The following DYNC1I1 variants were observed in gnomAD, a reference collection of about 807,000 sequenced individuals.
The protein encoded by DYNC1I1 is dynein cytoplasmic 1 intermediate chain 1, also known as cytoplasmic dynein 1 intermediate chain 1.
In DYNC1I1, 43 loss-of-function variants were observed where a neutral mutation model predicts 86.6. The observed-to-expected ratio is 0.50, with a 90% CI of 0.39 to 0.64. The LOEUF (loss-of-function observed/expected upper bound fraction) is 0.64. Among genes scored for constraint, DYNC1I1 ranks in the 30% least tolerant of loss-of-function variants. The probability of loss-of-function intolerance (pLI) is 0.00; values close to 1 mark genes in which losing one functional copy is unlikely to be tolerated. For missense variants in DYNC1I1, 604 were observed against 788.8 expected, an observed-to-expected ratio of 0.77 and a Z score of 2.81; for synonymous variants, 262 against 283.7, an observed-to-expected ratio of 0.92 and a Z score of 0.77.
At chr7:96,094,917 G>A (rs930559064) in intron 16 of DYNC1I1, among the ~76,000 whole-genome samples, 3 of 152,054 alleles carry the variant, frequency 2.0e-5, no homozygotes, top group Admixed American at 1.3e-4. Context: ...GAAAAGACTT[G>A]GCAAAACAAA....
intron 14 of DYNC1I1, among the ~76,000 whole-genome samples, chr7:96,048,472 T>C (rs755210420): frequency 7.2e-5 from 11 of 152,166 alleles, no homozygotes; most frequent in Non-Finnish European, 1.5e-4. Context: ...TTATTAGAGA[T>C]GCAAACCGTC....
chr7:95,838,823 T>C (rs916384745), intron 5 of DYNC1I1, among the ~76,000 whole-genome samples: 3 of 152,304 alleles, frequency 2.0e-5, no homozygotes, highest in Non-Finnish European at 4.4e-5. Context: ...CTTTTTCAGA[T>C]AGTTCATTGT....
intron 6 of DYNC1I1, among the ~76,000 whole-genome samples, chr7:95,959,411 G>A (rs1462012153): frequency 6.6e-6 from 1 of 152,218 alleles, no homozygotes; most frequent in African/African-American, 2.4e-5. Flanking sequence ...GGCCATGTCA[G>A]TAGGTTAAGG....
intron 6 of DYNC1I1, among the ~76,000 whole-genome samples, chr7:95,971,499 C>CA (rs1793170146): frequency 6.6e-6 from 1 of 152,040 alleles, no homozygotes; most frequent in Non-Finnish European, 1.5e-5. Context: ...AAAAAACAAA[C>CA]AAACAAAACA....
chr7:95,899,929 T>C (rs1241030685), intron 6 of DYNC1I1, among the ~76,000 whole-genome samples: 2 of 152,246 alleles, frequency 1.3e-5, no homozygotes, highest in African/African-American at 4.8e-5. Flanking sequence ...CCTCTGATTT[T>C]AGAGCAGCTT....
chr7:95,902,781 A>G (rs1791074158), intron 6 of DYNC1I1, among the ~76,000 whole-genome samples: 1 of 152,120 alleles, frequency 6.6e-6, no homozygotes, highest in South Asian at 2.1e-4. Flanking sequence ...CCCCCAGCGT[A>G]GGGAGTTCAA....
intron 6 of DYNC1I1, among the ~76,000 whole-genome samples, chr7:95,934,872 T>C (rs942424621): frequency 8.6e-5 from 13 of 151,952 alleles, no homozygotes; most frequent in African/African-American, 2.7e-4. Context: ...GGAAATGACT[T>C]GTAGCATCTC....
intron 9 of DYNC1I1, among the ~76,000 whole-genome samples, chr7:95,991,327 A>G (rs1178634305): frequency 6.6e-6 from 1 of 152,182 alleles, no homozygotes; most frequent in Non-Finnish European, 1.5e-5. Flanking sequence ...CCTGATGTCT[A>G]TTGGACATAT....
At chr7:95,939,197 A>C (rs148639053) in intron 6 of DYNC1I1, among the ~76,000 whole-genome samples, 2,317 of 152,222 alleles carry the variant, frequency 0.015, 68 homozygotes, top group African/African-American at 0.052. Flanking sequence ...TACATTTGCT[A>C]AGGAGAACTT....
At chr7:95,782,429 C>T (rs943715896) in intron 1 of DYNC1I1, among the ~76,000 whole-genome samples, 3 of 152,120 alleles carry the variant, frequency 2.0e-5, no homozygotes, top group Non-Finnish European at 4.4e-5. Context: ...GGGAGAGTTC[C>T]CTGAGCCATT....
chr7:96,032,775 C>T lies in DYNC1I1; in HGVS notation c.1225C>T (p.Pro409Ser). The change falls in exon 12 of 17, where the codon CCA (proline) becomes TCA (serine). Residue 409 changes from proline to serine, a missense_variant. By Grantham distance (74) the Pro-to-Ser change is moderately conservative. Transcript: ENST00000447467. ...CTGGAGCCTGGACATGCTCTCAACT[C>T]CACAGGTGGGTTTGTTTTTCCCTAC... ...CSWSLDMLST[P>S]QESMELVYNK... 1 of 1,612,924 alleles carries T rather than the reference C, an allele frequency of 6.2e-7. No individual in the cohort carries two copies. Among genetic ancestry groups the T allele is most frequent in the Non-Finnish European group, 8.5e-7 (1 of 1,179,162 alleles).
intron 14 of DYNC1I1, among the ~76,000 whole-genome samples, chr7:96,048,836 A>G (rs1473170850): frequency 6.6e-6 from 1 of 152,176 alleles, no homozygotes. Flanking sequence ...TGAAACCCCA[A>G]ATTAATTCTA....
chr7:95,987,537 C>T (rs1484441865), intron 9 of DYNC1I1, among the ~76,000 whole-genome samples: 2 of 152,160 alleles, frequency 1.3e-5, no homozygotes, highest in Non-Finnish European at 2.9e-5. Context: ...ATTCTCACTA[C>T]TCCTCTCTAC....
intron 5 of DYNC1I1, chr7:95,837,726 A>G (rs1789149022): frequency 6.6e-6 from 1 of 152,594 alleles, no homozygotes; most frequent in African/African-American, 2.4e-5. Context: ...GAGTGACTCG[A>G]TTTTCCAGGT....
intron 14 of DYNC1I1, among the ~76,000 whole-genome samples, chr7:96,065,135 A>G (rs1789928429): frequency 6.6e-6 from 1 of 152,138 alleles, no homozygotes; most frequent in African/African-American, 2.4e-5. Flanking sequence ...AACCATATTA[A>G]TCTTCCAACA....
intron 1 of DYNC1I1, among the ~76,000 whole-genome samples, chr7:95,794,725 C>T (rs1203090205): frequency 6.6e-6 from 1 of 152,100 alleles, no homozygotes; most frequent in Non-Finnish European, 1.5e-5. Flanking sequence ...ATTTGGGTAG[C>T]TCAGAATCAT....
intron 6 of DYNC1I1, among the ~76,000 whole-genome samples, chr7:95,913,485 GTGA>G (rs986424138): frequency 3.8e-4 from 58 of 152,272 alleles, no homozygotes; most frequent in African/African-American, 1.3e-3. Flanking sequence ...TGCTGTTCTC[GTGA>G]TAGTGAATAA....
intron 16 of DYNC1I1, among the ~76,000 whole-genome samples, chr7:96,096,503 T>TA (rs1283408399): frequency 6.6e-6 from 1 of 152,146 alleles, no homozygotes; most frequent in Non-Finnish European, 1.5e-5. Context: ...AGACTTCTAC[T>TA]AAATCCTGTT....
intron 1 of DYNC1I1, among the ~76,000 whole-genome samples, chr7:95,800,813 G>T (rs924460027): frequency 1.3e-5 from 2 of 152,246 alleles, no homozygotes; most frequent in Non-Finnish European, 2.9e-5. Context: ...TTCTTAGACT[G>T]AGAGCATCAG....
Sources: allele counts gnomAD v4.1 joint callset (sites outside exome capture counted in the v4.1 genomes callset), GRCh38; gene constraint gnomAD v4.1.1; transcripts MANE v1.5; gene names NCBI Gene and HGNC (gene_info 2026-07-23, HGNC 2026-07-21).